The following LEF1 variants were observed in gnomAD, a reference collection of about 807,000 sequenced individuals.
The protein encoded by LEF1 is lymphoid enhancer binding factor 1, also known as lymphoid enhancer-binding factor 1.
LEF1 carries 14 observed loss-of-function variants against 51.2 expected under a neutral mutation model. The ratio of observed to expected loss-of-function variants is 0.27; its 90% CI spans 0.18 to 0.43. The LOEUF is 0.43. Ranked by LOEUF, LEF1 falls within the 20% of genes least tolerant of loss-of-function variation. LEF1 has a pLI of 1.00. For synonymous variants in LEF1, 185 were observed against 183.2 expected (o/e 1.01, Z -0.08); for missense variants, 386 against 512.0 (o/e 0.75, Z 2.37).
In LEF1 at chr4:108,048,411, T is replaced by C; in HGVS notation, c.*347A>G. The C allele has an allele frequency of 3.4e-6, 1 of 292,026 alleles. No homozygotes were observed. The highest frequency in any genetic ancestry group is 6.3e-6 in the Non-Finnish European group (1 of 157,656). 18.1% of individuals were successfully genotyped at this position (292,026 alleles called of 1,614,324 possible). On this transcript the variant is annotated 3_prime_UTR_variant, in exon 12 of 12. Coordinates refer to ENST00000265165, the MANE Select transcript of LEF1 (RefSeq NM_016269.5). ...GGTTACAGGTTTGGATGCAAGATGCTCTGGGAAGTGCACGCAGATATGAGG... is the reference window on the plus strand; with the variant it reads ...GGTTACAGGTTTGGATGCAAGATGCCCTGGGAAGTGCACGCAGATATGAGG...
rs1314403326 is a variant in LEF1, at chr4:108,063,687, A to C, written c.1166-24T>G. 22 of 1,559,536 alleles carry C rather than the reference A, an allele frequency of 1.4e-5. 2 individuals carry two copies. The Admixed American group carries it at 4.4e-4, about 32-fold the overall frequency. On this transcript the variant is annotated intron_variant, in intron 10 of 11. Coordinates refer to ENST00000265165, the MANE Select transcript of LEF1 (RefSeq NM_016269.5). ...ACCTGCAGAAAATTGTGTCTTTAAC[A>C]AATTTTTATTGAAGAGGTTTTTGTA...
intron 3 of LEF1, among the ~76,000 whole-genome samples, chr4:108,157,513 T>C (rs1744808925): frequency 6.6e-6 from 1 of 152,148 alleles, no homozygotes; most frequent in Non-Finnish European, 1.5e-5. Flanking sequence ...AAGATCAAAA[T>C]TTCATCTGCA....
rs769921446 is a variant in LEF1 at position 108,078,340 on chromosome 4, T to C, written c.888A>G (p.Arg296=). 9 of 1,614,122 alleles carry C rather than the reference T, an allele frequency of 5.6e-6. No individual in the cohort carries two copies. Among genetic ancestry groups the C allele is most frequent in the East Asian group, 2.2e-5 (1 of 44,856 alleles). Residue 296 remains arginine, a synonymous_variant, in exon 8 of 12, where the codon AGA becomes AGG. Transcript: ENST00000265165. ...CATTCAGAGGCTTCTTAATGTGAGGTCTTTTTGGCTCCTGCTCCTTTCTCT... is the reference window on the plus strand; with the variant it reads ...CATTCAGAGGCTTCTTAATGTGAGGCCTTTTTGGCTCCTGCTCCTTTCTCT... The part of the protein sequence containing the change: ...HEQRKEQEPK[R]PHIKKPLNAF...
At chr4:108,053,568 T>C (rs1178474548) in intron 11 of LEF1, among the ~76,000 whole-genome samples, 1 of 152,158 alleles carries the variant, frequency 6.6e-6, no homozygotes, top group Non-Finnish European at 1.5e-5. Context: ...CAACCAGACT[T>C]TGGCAATGTC....
chr4:108,122,953 C>T (rs987862337), intron 3 of LEF1, among the ~76,000 whole-genome samples: 1 of 152,232 alleles, frequency 6.6e-6, no homozygotes. Context: ...ACACTTACGA[C>T]AACACAGATT....
intron 4 of LEF1, among the ~76,000 whole-genome samples, chr4:108,086,517 C>T (rs551066349): frequency 6.6e-6 from 1 of 152,244 alleles, no homozygotes; most frequent in African/African-American, 2.4e-5. Context: ...TGAAATAATA[C>T]TGGAGTCAGA....
intron 3 of LEF1, among the ~76,000 whole-genome samples, chr4:108,111,518 A>G (rs1183361375): frequency 1.3e-5 from 2 of 152,220 alleles, no homozygotes; most frequent in Non-Finnish European, 2.9e-5. Context: ...TGTAGCCACC[A>G]TATATATTTC....
chr4:108,122,432 C>T (rs939868488), intron 3 of LEF1, among the ~76,000 whole-genome samples: 12 of 152,004 alleles, frequency 7.9e-5, no homozygotes, highest in Non-Finnish European at 1.2e-4. Flanking sequence ...TCAGATCCCT[C>T]GTTTCATTAA....
chr4:108,110,865 T>G (rs897714477), intron 3 of LEF1, among the ~76,000 whole-genome samples: 19 of 152,238 alleles, frequency 1.2e-4, no homozygotes, highest in Non-Finnish European at 2.5e-4. Context: ...TATTTCAAAC[T>G]TTGAGTAGGT....
chr4:108,120,502 T>C (rs1272850879), intron 3 of LEF1, among the ~76,000 whole-genome samples: 1 of 152,220 alleles, frequency 6.6e-6, no homozygotes, highest in Non-Finnish European at 1.5e-5. Flanking sequence ...TTAAGATAAT[T>C]ATGAATATTC....
At position 108,163,720 on chromosome 4, in the gene LEF1, C is replaced by T; in HGVS notation, c.281-19G>A. 6.2e-6 allele frequency: 10 copies of T among 1,611,306 alleles called. No homozygotes were observed. In the East Asian group the frequency reaches 1.6e-4, roughly 25 times the overall value. On this transcript the variant is annotated intron_variant, in intron 2 of 11. Transcript: ENST00000265165. Reference sequence around the variant, plus strand: ...TGCTTTCCTGGGAAGATCCAAAGAACAATCAATGATGCACTGACTTCCCTT... The same window carrying T: ...TGCTTTCCTGGGAAGATCCAAAGAATAATCAATGATGCACTGACTTCCCTT...
intron 11 of LEF1, among the ~76,000 whole-genome samples, chr4:108,059,508 T>C (rs573745118): frequency 1.3e-5 from 2 of 152,036 alleles, no homozygotes; most frequent in African/African-American, 4.8e-5. Context: ...TATACAGACA[T>C]AGTTTTGCCA....
intron 3 of LEF1, among the ~76,000 whole-genome samples, chr4:108,118,194 ATTATTT>A (rs2110328825): frequency 6.6e-6 from 1 of 152,302 alleles, no homozygotes; most frequent in African/African-American, 2.4e-5. Context: ...AGAACAAATA[ATTATTT>A]TTATTTCCAT....
chr4:108,156,251 CTTTA>C (rs1368892815), intron 3 of LEF1, among the ~76,000 whole-genome samples: 1 of 152,138 alleles, frequency 6.6e-6, no homozygotes, highest in East Asian at 1.9e-4. Context: ...CTAGTCCATT[CTTTA>C]TTTATTCCAG....
rs577732966 is a variant in LEF1 at position 108,081,421 on chromosome 4, G to C, written c.722+165C>G. 5.3e-5 allele frequency among the ~76,000 whole-genome samples: 8 copies of C among 152,132 alleles called. No individual in the cohort carries two copies. In the South Asian group the frequency reaches 1.7e-3, roughly 32 times the overall value. On this transcript the variant is annotated intron_variant, in intron 6 of 11. Transcript: ENST00000265165. ...GGCACAGCGCAGAGCTCCTACCCGG[G>C]ACTCTCTCTGACACCTAGTGTGGGA...
intron 4 of LEF1, among the ~76,000 whole-genome samples, chr4:108,087,014 G>A (rs1739696891): frequency 6.6e-6 from 1 of 152,138 alleles, no homozygotes; most frequent in Non-Finnish European, 1.5e-5. Context: ...TGAGGCGGAG[G>A]GGTTGGGGGA....
chr4:108,134,948 C>T (rs1412500255), intron 3 of LEF1, among the ~76,000 whole-genome samples: 2 of 152,190 alleles, frequency 1.3e-5, no homozygotes, highest in Non-Finnish European at 1.5e-5. Context: ...GCCTGCCTTT[C>T]AAATTCCCAT....
chr4:108,064,642 C>G (rs1737928648), intron 9 of LEF1, among the ~76,000 whole-genome samples: 1 of 144,502 alleles, frequency 6.9e-6, no homozygotes, highest in Non-Finnish European at 1.5e-5. Context: ...TTGTCTCTCT[C>G]TCTCTCTCTC....
At chr4:108,075,534 TATG>T (rs1362786074) in intron 8 of LEF1, 1 of 152,210 alleles carries the variant, frequency 6.6e-6, no homozygotes, top group Non-Finnish European at 1.5e-5. Flanking sequence ...ACCACACAGA[TATG>T]AAGAGCATCA....
Sources: allele counts gnomAD v4.1 joint callset (sites outside exome capture counted in the v4.1 genomes callset), GRCh38; gene constraint gnomAD v4.1.1; transcripts MANE v1.5; gene names NCBI Gene and HGNC (gene_info 2026-07-23, HGNC 2026-07-21).